The following CST5 variants were observed in gnomAD, a reference collection of about 807,000 sequenced individuals.
CST5 encodes cystatin D.
Under a neutral mutation model 11.5 loss-of-function variants are expected in CST5, and 13 were observed. That is an observed-to-expected ratio of 1.13 (90% CI 0.73 to 1.79). CST5 has a LOEUF of 1.79. Ranked by LOEUF, CST5 falls within the 40% of genes most tolerant of loss-of-function variation. CST5 has a pLI of 0.00. For synonymous variants in CST5, 81 were observed against 67.6 expected (o/e 1.20, Z -0.97); for missense variants, 219 against 174.5 (o/e 1.25, Z -1.44).
At chr20:23,877,666 C>T in intron 1 of CST5, 48 bp from the exon 2 acceptor site, 1 of 1,445,896 alleles carries the variant, frequency 6.9e-7, no homozygotes, top group Non-Finnish European at 9.6e-7. Flanking sequence ...CTGTCAGTTT[C>T]ATGCACACGC....
At chr20:23,876,303 G>C in intron 2 of CST5, 32 bp from the exon 3 acceptor site, 3 of 1,557,120 alleles carry the variant, frequency 1.9e-6, no homozygotes, top group Non-Finnish European at 2.7e-6. Flanking sequence ...GAAAATGACT[G>C]TGGGTTACAG....
chr20:23,877,757 C>A, intron 1 of CST5, 139 bp from the exon 2 acceptor site: 2 of 671,304 alleles, frequency 3.0e-6, no homozygotes, highest in Admixed American at 2.3e-5. Flanking sequence ...CACAAGCCAC[C>A]TTCTCCTGCT....
chr20:23,878,382 A>G (rs4239744), intron 1 of CST5, among the ~76,000 whole-genome samples: 86,157 of 151,496 alleles, frequency 0.57, 26,907 homozygotes, highest in African/African-American at 0.85. Context: ...GCCGCCCCAA[A>G]ACATGACTTG....
In CST5 at chr20:23,879,622, C is replaced by A; in HGVS notation, c.55G>T (p.Val19Leu). 1 of 1,614,082 alleles carries A rather than the reference C, an allele frequency of 6.2e-7. No homozygotes were observed. Among genetic ancestry groups the A allele is most frequent in the Non-Finnish European group, 8.5e-7 (1 of 1,179,978 alleles). The change falls in exon 1 of 3, where the codon GTG (valine) becomes TTG (leucine). Residue 19 changes from valine to leucine, a missense_variant. By Grantham distance (32) the Val-to-Leu change is conservative. Coordinates refer to ENST00000304710, the MANE Select transcript of CST5 (RefSeq NM_001900.5). ...GATTGGGCCGAGGCACTCCCGGCCA[C>A]GGCCACCATCAAGGCAGTCAGCAGC... The part of the protein sequence containing the change: ...LLLLTALMVA[V>L]AGSASAQSRT...
At chr20:23,877,707 TTGCCTGGGGCTTCA>T in intron 1 of CST5, 89 bp from the exon 2 acceptor site, 1 of 1,087,940 alleles carries the variant, frequency 9.2e-7, no homozygotes, top group Non-Finnish European at 1.4e-6. Context: ...GTCACTGGGC[TTGCCTGGGGCTTCA>T]TGCCCACACT....
chr20:23,879,191 C>A (rs1372325492), intron 1 of CST5, among the ~76,000 whole-genome samples: 1 of 152,156 alleles, frequency 6.6e-6, no homozygotes, highest in African/African-American at 2.4e-5. Flanking sequence ...CCTGCTGGAC[C>A]CTGGGAAATG....
At chr20:23,879,083 C>A (rs1211613383) in intron 1 of CST5, among the ~76,000 whole-genome samples, 1 of 152,178 alleles carries the variant, frequency 6.6e-6, no homozygotes. Flanking sequence ...CGTGTGGCCC[C>A]TGTGGAGAGG....
chr20:23,878,596 G>C (rs1389695231), intron 1 of CST5, among the ~76,000 whole-genome samples: 2 of 152,228 alleles, frequency 1.3e-5, no homozygotes, highest in African/African-American at 4.8e-5. Context: ...ACACACTTAA[G>C]AGGGAGTGCA....
chr20:23,876,101 C>T lies in CST5; in HGVS notation c.*87G>A. On this transcript the variant is annotated 3_prime_UTR_variant, in exon 3 of 3. Coordinates refer to ENST00000304710, the MANE Select transcript of CST5 (RefSeq NM_001900.5). ...TGCAGGCGCATGAGGAGACCTCCCC[C>T]AGGGTGGGGGCCACCAGTCCAGGGG... 3 of 1,096,654 alleles carry T rather than the reference C, an allele frequency of 2.7e-6. No homozygotes were observed. The highest frequency in any genetic ancestry group is 2.0e-5 in the Admixed American group (1 of 50,354). The allele number at this position is 1,096,654 out of a possible 1,614,324, so 67.9% of individuals were successfully genotyped here.
At chr20:23,877,480 C>T (rs778160011) in intron 2 of CST5, 25 bp downstream of exon 2, 8 of 1,560,336 alleles carry the variant, frequency 5.1e-6, no homozygotes, top group Non-Finnish European at 6.2e-6. Flanking sequence ...GTACTTGATG[C>T]CCCTGACCCA....
At chr20:23,877,432 CACACAT>C (rs1985986474) in intron 2 of CST5, 67 bp downstream of exon 2, 1 of 1,165,798 alleles carries the variant, frequency 8.6e-7, no homozygotes, top group Admixed American at 1.7e-5. Flanking sequence ...TGCGTGCACA[CACACAT>C]ACACACACAC....
rs879373632 is a variant in CST5, at chr20:23,878,631, GGA to G, written c.231+813_231+814del. Among the ~76,000 whole-genome samples, 1,127 of 152,326 alleles carry G rather than the reference GGA, an allele frequency of 7.4e-3. 17 individuals carry two copies. The highest frequency in any genetic ancestry group is 0.037 in the East Asian group (191 of 5,176). On this transcript the variant is annotated intron_variant, in intron 1 of 2. Coordinates refer to ENST00000304710, the MANE Select transcript of CST5 (RefSeq NM_001900.5). Reference sequence around the variant, plus strand: ...AGGCCAGCAGGGACCACAGCACCAGGGAATGCCCCTCCTGTGCAGGGAGAGGG... The same window carrying G: ...AGGCCAGCAGGGACCACAGCACCAGGATGCCCCTCCTGTGCAGGGAGAGGG...
chr20:23,878,744 A>G (rs1050677330), intron 1 of CST5, among the ~76,000 whole-genome samples: 25 of 152,194 alleles, frequency 1.6e-4, no homozygotes, highest in Non-Finnish European at 3.1e-4. Context: ...CAGGCCATAT[A>G]GCCCTGTGGT....
At chr20:23,879,414 C>T in intron 1 of CST5, 32 bp downstream of exon 1, 1 of 1,579,202 alleles carries the variant, frequency 6.3e-7, no homozygotes, top group South Asian at 1.1e-5. Context: ...CCAGCTGGGA[C>T]TCAGGACCCC....
At chr20:23,877,427 G>GCA in intron 2 of CST5, 78 bp downstream of exon 2, 5 of 1,116,610 alleles carry the variant, frequency 4.5e-6, no homozygotes, top group Non-Finnish European at 6.8e-6. Context: ...ACAGATGCGT[G>GCA]CACACACACA....
Position 23,877,543 on chromosome 20 carries a change from C to G in CST5, c.307G>C (p.Asp103His). 1 of 1,614,182 alleles carries G rather than the reference C, an allele frequency of 6.2e-7. No individual in the cohort carries two copies. The highest frequency in any genetic ancestry group is 8.5e-7 in the Non-Finnish European group (1 of 1,180,032). The change falls in exon 2 of 3, where the codon GAC (aspartate) becomes CAC (histidine). Residue 103 changes from aspartate (D) to histidine (H), a missense_variant. Asp to His is a moderately conservative substitution (Grantham distance 81). Transcript: ENST00000304710. ...TTCTKSQPNL[D>H]NCPFNDQPKL... is the part of the protein sequence containing the mutation. ...GGCTGGTCATTGAAGGGACAGTTGT[C>G]CAAGTTGGGCTGGGACTTGGTGCAT...
chr20:23,877,471 T>C (rs1321056745), intron 2 of CST5, 34 bp downstream of exon 2: 1 of 1,520,724 alleles, frequency 6.6e-7, no homozygotes, highest in African/African-American at 1.4e-5. Context: ...TGCTCTGCGG[T>C]ACTTGATGCC....
chr20:23,877,453 GC>G (rs1263789620), intron 2 of CST5, 51 bp downstream of exon 2: 11 of 1,360,300 alleles, frequency 8.1e-6, no homozygotes, highest in Non-Finnish European at 1.2e-5. Context: ...ACACACACAT[GC>G]ACACACTGCT....
Position 23,875,965 on chromosome 20 carries a change from G to A in CST5, c.*223C>T, listed in dbSNP as rs551680830. ...GCTACTGTTTAATTGCAGGAGGTGG[G>A]AGAGTGTGCACTGCACACTGGGGCT... On this transcript the variant is annotated 3_prime_UTR_variant, in exon 3 of 3. Transcript: ENST00000304710. 14 of 411,310 alleles carry A rather than the reference G, an allele frequency of 3.4e-5. No individual in the cohort carries two copies. The highest frequency in any genetic ancestry group is 2.6e-4 in the African/African-American group (13 of 49,694). The allele number at this position is 411,310 out of a possible 1,614,324, so 25.5% of individuals were successfully genotyped here.
Sources: gnomAD v4.1 joint callset for allele counts (sites outside exome capture counted in the v4.1 genomes callset) on GRCh38, gnomAD v4.1.1 for gene constraint, MANE v1.5 for transcripts, NCBI Gene and HGNC (gene_info 2026-07-23, HGNC 2026-07-21) for gene names.